CLYBL: variants seen among roughly 807,000 people sequenced by gnomAD.
CLYBL encodes the protein citramalyl-CoA lyase, mitochondrial.
Under a neutral mutation model 38.9 loss-of-function variants are expected in CLYBL, and 31 were observed. The ratio of observed to expected loss-of-function variants is 0.80; its 90% CI spans 0.60 to 1.08. CLYBL has a LOEUF of 1.08. Among genes scored for constraint, CLYBL ranks in the 50% least tolerant of loss-of-function variants. The probability of loss-of-function intolerance (pLI) is 0.00; values close to 1 mark genes in which losing one functional copy is unlikely to be tolerated. For missense variants in CLYBL, 434 were observed against 411.6 expected (o/e 1.05, Z -0.47); for synonymous variants, 171 against 158.6 (o/e 1.08, Z -0.59).
chr13:99,724,084 T>A (rs1389263172), intron 1 of CLYBL, among the ~76,000 whole-genome samples: 1 of 152,166 alleles, frequency 6.6e-6, no homozygotes. Context: ...AAGTCCATCT[T>A]TTCTTTCATC....
chr13:99,894,069 A>G (rs1032646942), downstream of CLYBL: 6 of 152,292 alleles, frequency 3.9e-5, no homozygotes, highest in Non-Finnish European at 1.5e-5. Flanking sequence ...AGAGACCCAA[A>G]CGACGAGGGT....
At chr13:99,843,968 C>T (rs2051141819) in intron 2 of CLYBL, among the ~76,000 whole-genome samples, 1 of 152,174 alleles carries the variant, frequency 6.6e-6, no homozygotes, top group African/African-American at 2.4e-5. Flanking sequence ...GAAGTCATTA[C>T]AAATGATTGT....
At chr13:99,615,822 C>G (rs1026793489) in intron 1 of CLYBL, among the ~76,000 whole-genome samples, 5 of 151,876 alleles carry the variant, frequency 3.3e-5, no homozygotes, top group Admixed American at 3.3e-4. Context: ...GTTAATTTAG[C>G]TGCTTTGATT....
At chr13:99,747,976 A>G (rs961861459) in intron 1 of CLYBL, among the ~76,000 whole-genome samples, 2 of 152,276 alleles carry the variant, frequency 1.3e-5, no homozygotes, top group Non-Finnish European at 2.9e-5. Flanking sequence ...ACCATTTTCA[A>G]GCATGCAGTG....
chr13:99,853,559 G>A (rs1004133948), intron 2 of CLYBL, among the ~76,000 whole-genome samples: 11 of 151,898 alleles, frequency 7.2e-5, no homozygotes, highest in Admixed American at 5.9e-4. Context: ...TTTTTCATGT[G>A]GAAAAAATAA....
intron 1 of CLYBL, among the ~76,000 whole-genome samples, chr13:99,720,375 AT>A (rs1312703019): frequency 1.3e-5 from 2 of 149,718 alleles, no homozygotes; most frequent in African/African-American, 2.5e-5. Context: ...TTTTTGGTTC[AT>A]TTTTTTTTCA....
intron 1 of CLYBL, among the ~76,000 whole-genome samples, chr13:99,746,114 T>A (rs1258797714): frequency 2.0e-5 from 3 of 152,120 alleles, no homozygotes; most frequent in African/African-American, 7.2e-5. Context: ...AAAATGCTCT[T>A]CCATGATTAC....
intron 1 of CLYBL, among the ~76,000 whole-genome samples, chr13:99,739,631 A>G (rs961803434): frequency 2.0e-4 from 31 of 152,366 alleles, no homozygotes; most frequent in African/African-American, 7.2e-4. Context: ...AGTATTCTAC[A>G]TGATAATTCA....
At chr13:99,759,577 C>T (rs913492324) in intron 1 of CLYBL, among the ~76,000 whole-genome samples, 1 of 152,036 alleles carries the variant, frequency 6.6e-6, no homozygotes, top group Non-Finnish European at 1.5e-5. Flanking sequence ...TGAGACCACC[C>T]CCACCCCCTC....
intron 1 of CLYBL, among the ~76,000 whole-genome samples, chr13:99,684,060 T>TG (rs1453172691): frequency 6.9e-6 from 1 of 145,984 alleles, no homozygotes; most frequent in South Asian, 2.2e-4. Flanking sequence ...TTTTGTATTT[T>TG]TAATAGAGAC....
intron 2 of CLYBL, 119 bp from the exon 3 acceptor site, chr13:99,858,742 A>G (rs1465295505): frequency 3.1e-6 from 2 of 655,216 alleles, no homozygotes; most frequent in Admixed American, 3.2e-5. Flanking sequence ...TGGACAGGAA[A>G]TGTGTAGATA....
At position 99,687,536 on chromosome 13, in the gene CLYBL, C is replaced by T. The variant is rs919832850; in HGVS notation, c.62+80779C>T. Among the ~76,000 whole-genome samples the T allele has an allele frequency of 2.6e-5, 4 of 152,230 alleles. No individual in the cohort carries two copies. In the South Asian group the frequency reaches 6.2e-4, roughly 24 times the overall value. The stretch of plus-strand genomic sequence containing the variant: ...CACAGAAAATACAATTAGGATAATT[C>T]TTGTGTGTTCTCTACAGGAAGGAAG... On this transcript the variant is annotated intron_variant, in intron 1 of 8. Transcript: ENST00000339105.
At position 99,849,135 on chromosome 13, in the gene CLYBL, C is replaced by A. The variant is rs2051274223; in HGVS notation, c.250-9726C>A. Among the ~76,000 whole-genome samples, 1 of 118,280 alleles carries A rather than the reference C, an allele frequency of 8.5e-6. No individual in the cohort carries two copies. Among genetic ancestry groups the A allele is most frequent in the Admixed American group, 9.0e-5 (1 of 11,056 alleles). 77.6% of individuals were successfully genotyped at this position (118,280 alleles called of 152,430 possible). A position where few individuals can be genotyped will look rare whatever the true frequency, so the allele number is the denominator to read the frequency against. ...GCCTAAGAGACACGTGAGACTCCAT[C>A]TCAAAAAAAGAAAAAAGAAAAAAAA... On this transcript the variant is annotated intron_variant, in intron 2 of 8. Coordinates refer to ENST00000339105, the MANE Select transcript of CLYBL (RefSeq NM_206808.5). This position sits in a 1 kb window ranked among gnomAD's most constrained non-coding sequence, Gnocchi z 4.9.
intron 6 of CLYBL, among the ~76,000 whole-genome samples, chr13:99,867,980 A>T (rs1374324005): frequency 6.6e-6 from 1 of 152,144 alleles, no homozygotes; most frequent in Non-Finnish European, 1.5e-5. Flanking sequence ...ATCGCAGAAG[A>T]CAGGCTATTT....
At chr13:99,757,255 A>G (rs1321578949) in intron 1 of CLYBL, among the ~76,000 whole-genome samples, 1 of 151,978 alleles carries the variant, frequency 6.6e-6, no homozygotes, top group Admixed American at 6.6e-5. Flanking sequence ...GATTTTTTTC[A>G]AGTTTGTGGA....
intron 1 of CLYBL, among the ~76,000 whole-genome samples, chr13:99,692,232 G>T (rs1240399902): frequency 6.6e-6 from 1 of 151,594 alleles, no homozygotes; most frequent in African/African-American, 2.4e-5. Context: ...TTTAAAAATT[G>T]TCGCTTTATT....
chr13:99,908,175 GA>G (rs1266152748), exon 10 of CLYBL, among the ~76,000 whole-genome samples: 2 of 152,264 alleles, frequency 1.3e-5, no homozygotes, highest in Admixed American at 6.5e-5. Context: ...CCTTGGTGTA[GA>G]GAAGCGGCAG....
chr13:99,870,282 C>T (rs534174027), intron 6 of CLYBL, among the ~76,000 whole-genome samples: 29 of 152,192 alleles, frequency 1.9e-4, no homozygotes, highest in Non-Finnish European at 4.0e-4. Flanking sequence ...GTGTTCAAAT[C>T]TGCCTTCTAT....
chr13:99,690,530 A>G (rs2047885867), intron 1 of CLYBL: 1 of 152,086 alleles, frequency 6.6e-6, no homozygotes, highest in Non-Finnish European at 1.5e-5. Flanking sequence ...GGAGGTTAAG[A>G]TAGAATTGGA....
Sources: gnomAD v4.1 joint callset for allele counts (sites outside exome capture counted in the v4.1 genomes callset) on GRCh38, gnomAD v4.1.1 for gene constraint, Gnocchi (gnomAD v3.1) non-coding constraint, MANE v1.5 for transcripts, NCBI Gene and HGNC (gene_info 2026-07-23, HGNC 2026-07-21) for gene names.